Variants in LURAP1L observed in about 807,000 individuals in gnomAD.
LURAP1L encodes the protein leucine rich adaptor protein 1-like.
LURAP1L carries 12 observed loss-of-function variants against 13.8 expected under a neutral mutation model. The observed-to-expected ratio is 0.87, with a 90% CI of 0.56 to 1.41. The LOEUF (loss-of-function observed/expected upper bound fraction) is 1.41. Among genes scored for constraint, LURAP1L ranks in the 40% most tolerant of loss-of-function variants. The pLI, the probability that LURAP1L is intolerant of heterozygous loss-of-function variation, is 0.00. For synonymous variants in LURAP1L, 139 were observed against 119.2 expected, an observed-to-expected ratio of 1.17 and a Z score of -1.08; for missense variants, 375 against 292.9, an observed-to-expected ratio of 1.28 and a Z score of -2.04.
At chr9:12,788,378 A>G (rs893052376) in intron 1 of LURAP1L, among the ~76,000 whole-genome samples, 2 of 152,152 alleles carry the variant, frequency 1.3e-5, no homozygotes, top group African/African-American at 4.8e-5. Flanking sequence ...AAACACCTTT[A>G]AAGTTAAACT....
chr9:12,780,579 T>C (rs186712881), intron 1 of LURAP1L, among the ~76,000 whole-genome samples: 2 of 152,242 alleles, frequency 1.3e-5, no homozygotes, highest in African/African-American at 4.8e-5. Context: ...CAAGAACCAC[T>C]GTGAGCCTGG....
rs547046008 is a variant in LURAP1L, at chr9:12,798,069, C to A, written c.312+22042C>A. Among the ~76,000 whole-genome samples, 12 of 152,228 alleles carry A rather than the reference C, an allele frequency of 7.9e-5. No individual in the cohort carries two copies. In the East Asian group the frequency reaches 2.3e-3, roughly 29 times the overall value. ...TATGGGTATTGAATCAAAGTTTTAACATAAGCATCATTTTTATTTCTAGTT... is the reference window on the plus strand; with the variant it reads ...TATGGGTATTGAATCAAAGTTTTAAAATAAGCATCATTTTTATTTCTAGTT... On this transcript the variant is annotated intron_variant, in intron 1 of 1. Transcript: ENST00000319264.
chr9:12,793,330 G>A (rs1338073156), intron 1 of LURAP1L, among the ~76,000 whole-genome samples: 11 of 151,912 alleles, frequency 7.2e-5, no homozygotes, highest in Admixed American at 7.2e-4. Context: ...CATTTTCTTA[G>A]ATGTCTGTTT....
chr9:12,820,506 C>T lies in LURAP1L; in HGVS notation c.313-880C>T, dbSNP rs374519185. ...CGACAGATCGAGACTCCGTCCCCCC[C>T]CCCCCCCCAAAAAAAAAAAAGGACC... is the stretch of plus-strand genomic sequence containing the variant. On this transcript the variant is annotated intron_variant, in intron 1 of 1. Transcript: ENST00000319264. Among the ~76,000 whole-genome samples, 496 of 71,646 alleles carry T rather than the reference C, an allele frequency of 6.9e-3. 19 individuals are homozygous for T. The highest frequency in any genetic ancestry group is 0.019 in the African/African-American group (452 of 23,642). The allele number at this position is 71,646 out of a possible 152,430, so 47.0% of individuals were successfully genotyped here.
At chr9:12,813,216 C>T (rs537316213) in intron 1 of LURAP1L, among the ~76,000 whole-genome samples, 60 of 152,058 alleles carry the variant, frequency 3.9e-4, no homozygotes, top group Admixed American at 1.0e-3. Context: ...GAACTAGTTG[C>T]CAATCACAGA....
At chr9:12,817,282 T>C (rs931341726) in intron 1 of LURAP1L, among the ~76,000 whole-genome samples, 16 of 151,998 alleles carry the variant, frequency 1.1e-4, no homozygotes, top group Admixed American at 1.0e-3. Context: ...CAACAGACAA[T>C]CCAATCTGAA....
At chr9:12,803,836 T>C (rs1267848402) in intron 1 of LURAP1L, among the ~76,000 whole-genome samples, 1 of 152,198 alleles carries the variant, frequency 6.6e-6, no homozygotes, top group Non-Finnish European at 1.5e-5. Flanking sequence ...AATTTAGTCA[T>C]TGATATCCTG....
intron 1 of LURAP1L, among the ~76,000 whole-genome samples, chr9:12,800,026 C>A (rs1819563018): frequency 1.3e-5 from 2 of 152,226 alleles, no homozygotes; most frequent in South Asian, 4.1e-4. Flanking sequence ...CTTTTACATT[C>A]TCTTTTTGGG....
chr9:12,816,296 T>C (rs1283889000), intron 1 of LURAP1L, among the ~76,000 whole-genome samples: 1 of 152,188 alleles, frequency 6.6e-6, no homozygotes. Flanking sequence ...GTAAGATTAG[T>C]CTTTGTTCAC....
At chr9:12,813,750 C>T (rs543673003) in intron 1 of LURAP1L, among the ~76,000 whole-genome samples, 1 of 152,082 alleles carries the variant, frequency 6.6e-6, no homozygotes, top group African/African-American at 2.4e-5. Context: ...TCCAACATAA[C>T]CCATGCTGAG....
At chr9:12,810,563 T>C in intron 1 of LURAP1L, among the ~76,000 whole-genome samples, 1 of 152,270 alleles carries the variant, frequency 6.6e-6, no homozygotes, top group East Asian at 1.9e-4. Context: ...TATTCACCGA[T>C]TTGTTTTAAG....
chr9:12,801,459 T>C (rs1010803429), intron 1 of LURAP1L, among the ~76,000 whole-genome samples: 2 of 152,260 alleles, frequency 1.3e-5, no homozygotes, highest in Admixed American at 1.3e-4. Context: ...TGTACATATA[T>C]GCATGTAAGT....
chr9:12,794,027 A>G (rs952854632), intron 1 of LURAP1L, among the ~76,000 whole-genome samples: 8 of 152,072 alleles, frequency 5.3e-5, no homozygotes, highest in Non-Finnish European at 1.2e-4. Flanking sequence ...TTATTGTTAG[A>G]GTCAAAACCA....
At chr9:12,780,433 T>G (rs1314782716) in intron 1 of LURAP1L, among the ~76,000 whole-genome samples, 4 of 152,212 alleles carry the variant, frequency 2.6e-5, no homozygotes, top group African/African-American at 9.6e-5. Flanking sequence ...ACCTGAATTA[T>G]TCATTTTCTT....
chr9:12,781,025 G>T (rs1819262507), intron 1 of LURAP1L, among the ~76,000 whole-genome samples: 1 of 152,124 alleles, frequency 6.6e-6, no homozygotes, highest in Admixed American at 6.5e-5. Context: ...AGGCTGGAGT[G>T]CAATGGCTCA....
chr9:12,788,167 G>GAAAA (rs1819386508), intron 1 of LURAP1L, among the ~76,000 whole-genome samples: 7 of 145,618 alleles, frequency 4.8e-5, no homozygotes, highest in Admixed American at 1.4e-4. Flanking sequence ...AAGAAAGAAA[G>GAAAA]AAAGAAAGAA....
chr9:12,820,273 G>A (rs974818662), intron 1 of LURAP1L, among the ~76,000 whole-genome samples: 1 of 152,088 alleles, frequency 6.6e-6, no homozygotes, highest in Non-Finnish European at 1.5e-5. Flanking sequence ...GGGAGGCCGA[G>A]GCGGGCGGAT....
intron 1 of LURAP1L, among the ~76,000 whole-genome samples, chr9:12,782,093 T>A (rs921993938): frequency 2.0e-5 from 3 of 152,238 alleles, no homozygotes; most frequent in Non-Finnish European, 4.4e-5. Flanking sequence ...GTCTATTTTT[T>A]AATCAGATTA....
intron 1 of LURAP1L, among the ~76,000 whole-genome samples, chr9:12,794,743 T>C (rs7856384): frequency 0.14 from 21,892 of 151,678 alleles, 1,834 homozygotes; most frequent in East Asian, 0.24. Context: ...TGCACACCAT[T>C]TAACAACATA....
Sources: allele counts gnomAD v4.1 joint callset (sites outside exome capture counted in the v4.1 genomes callset), GRCh38; gene constraint gnomAD v4.1.1; transcripts MANE v1.5; gene names NCBI Gene and HGNC (gene_info 2026-07-23, HGNC 2026-07-21).